KLF12: variants seen among roughly 807,000 people sequenced by gnomAD.
The protein encoded by KLF12 is KLF transcription factor 12.
A neutral mutation model predicts 37.8 loss-of-function variants in KLF12; 9 were observed. The observed-to-expected ratio is 0.24, with a 90% CI of 0.14 to 0.42. The LOEUF is 0.42. KLF12 is among the 10% of genes least tolerant of loss of function. The pLI, the probability that KLF12 is intolerant of heterozygous loss-of-function variation, is 1.00. For missense variants in KLF12, 411 were observed against 516.0 expected, an observed-to-expected ratio of 0.80 and a Z score of 1.97; for synonymous variants, 208 against 202.1, an observed-to-expected ratio of 1.03 and a Z score of -0.25.
chr13:73,842,176 C>A (rs1330891504), intron 4 of KLF12, among the ~76,000 whole-genome samples: 1 of 152,168 alleles, frequency 6.6e-6, no homozygotes, highest in Non-Finnish European at 1.5e-5. Flanking sequence ...TTTCACCCCA[C>A]CCCTTCCCAA....
At chr13:74,195,225 T>G in the KLF12 span, among the ~76,000 whole-genome samples, 1 of 152,216 alleles carries the variant, frequency 6.6e-6, no homozygotes, top group Non-Finnish European at 1.5e-5. Context: ...GACAGCAGAA[T>G]TTAATTTAAC....
At chr13:73,749,366 T>A (rs547011369) in intron 6 of KLF12, among the ~76,000 whole-genome samples, 8 of 152,312 alleles carry the variant, frequency 5.3e-5, no homozygotes, top group African/African-American at 1.9e-4. Flanking sequence ...AGTTTTAATG[T>A]TTGAAGGTGT....
chr13:74,024,446 G>A (rs74615786), intron 1 of KLF12, among the ~76,000 whole-genome samples: 1,919 of 152,248 alleles, frequency 0.013, 30 homozygotes, highest in Non-Finnish European at 0.014. Flanking sequence ...GCATCATTCT[G>A]TCATGCTCAA....
intron 7 of KLF12, among the ~76,000 whole-genome samples, chr13:73,705,582 T>C (rs978883342): frequency 2.0e-5 from 3 of 152,248 alleles, no homozygotes; most frequent in Non-Finnish European, 4.4e-5. Flanking sequence ...CCTATTTTTA[T>C]ATATTCTTTA....
At chr13:73,799,339 T>C (rs1342264714) in intron 5 of KLF12, among the ~76,000 whole-genome samples, 3 of 152,068 alleles carry the variant, frequency 2.0e-5, no homozygotes, top group Non-Finnish European at 1.5e-5. Flanking sequence ...TGAAATAATC[T>C]GCACAACGAA....
intron 7 of KLF12, among the ~76,000 whole-genome samples, chr13:73,702,204 T>C (rs1487812444): frequency 6.6e-6 from 1 of 152,226 alleles, no homozygotes; most frequent in Non-Finnish European, 1.5e-5. Context: ...GGTTTTGTTT[T>C]GTTTTTTCTT....
intron 3 of KLF12, among the ~76,000 whole-genome samples, chr13:73,911,907 G>A (rs9573327): frequency 0.19 from 29,315 of 152,026 alleles, 3,815 homozygotes; most frequent in East Asian, 0.61. Flanking sequence ...CCATCAGCTC[G>A]TGTTTCTGTT....
the KLF12 span, among the ~76,000 whole-genome samples, chr13:74,245,532 G>A: frequency 7.2e-5 from 11 of 152,098 alleles, no homozygotes; most frequent in African/African-American, 2.4e-4. Flanking sequence ...CATTGTAAAT[G>A]AATTTAGAAA....
intron 6 of KLF12, among the ~76,000 whole-genome samples, chr13:73,741,701 C>CT (rs201426711): frequency 0.018 from 2,816 of 152,240 alleles, 72 homozygotes; most frequent in African/African-American, 0.061. Flanking sequence ...TCAATAGCTC[C>CT]TTTGGAGCTA....
intron 4 of KLF12, among the ~76,000 whole-genome samples, chr13:73,831,797 C>A (rs1269977887): frequency 6.6e-6 from 1 of 152,096 alleles, no homozygotes; most frequent in Non-Finnish European, 1.5e-5. Context: ...ACTGGTAAAG[C>A]AAAATCAGTA....
intron 2 of KLF12, among the ~76,000 whole-genome samples, chr13:73,977,163 T>C (rs1386705109): frequency 6.6e-6 from 1 of 151,486 alleles, no homozygotes; most frequent in African/African-American, 2.4e-5. Context: ...CACCTCAGCC[T>C]CCTGAATAGC....
At chr13:74,165,045 G>A in the KLF12 span, among the ~76,000 whole-genome samples, 3 of 151,942 alleles carry the variant, frequency 2.0e-5, no homozygotes, top group African/African-American at 7.3e-5. Context: ...AAATAACTGA[G>A]GATAACTAGA....
the KLF12 span, among the ~76,000 whole-genome samples, chr13:74,239,465 T>C: frequency 1.2e-3 from 143 of 122,496 alleles, 2 homozygotes; most frequent in Non-Finnish European, 5.7e-4. Flanking sequence ...GTCTGCTTGG[T>C]GCAGAGCTGA....
At chr13:73,967,327 C>T (rs1891196572) in intron 2 of KLF12, among the ~76,000 whole-genome samples, 1 of 152,188 alleles carries the variant, frequency 6.6e-6, no homozygotes, top group African/African-American at 2.4e-5. Context: ...AGGAGCCTGC[C>T]AAGGCTGGAA....
intron 3 of KLF12, among the ~76,000 whole-genome samples, chr13:73,901,945 A>G (rs144479489): frequency 1.3e-5 from 2 of 152,312 alleles, no homozygotes; most frequent in East Asian, 3.9e-4. Flanking sequence ...AAGCATACAA[A>G]TGGCTTAAAA....
chr13:73,780,365 G>C lies in KLF12; in HGVS notation c.807-15365C>G, dbSNP rs574975193. The stretch of plus-strand genomic sequence containing the variant: ...CTGAGCAGCGTACACTGTACCCAGT[G>C]TGTGGTCTTTTATCCCTTGTCACCC... On this transcript the variant is annotated intron_variant, in intron 5 of 7. Coordinates refer to ENST00000377669, the MANE Select transcript of KLF12 (RefSeq NM_007249.5). Among the ~76,000 whole-genome samples the C allele has an allele frequency of 3.9e-4, 60 of 152,230 alleles. No individual in the cohort carries two copies. In the South Asian group the frequency reaches 0.012, roughly 29 times the overall value.
At chr13:73,769,944 A>G (rs1417482137) in intron 5 of KLF12, among the ~76,000 whole-genome samples, 3 of 152,182 alleles carry the variant, frequency 2.0e-5, no homozygotes, top group Admixed American at 6.5e-5. Context: ...TTATACCAAG[A>G]TTATAAGAAA....
chr13:73,928,087 A>C (rs1164947792), intron 3 of KLF12, among the ~76,000 whole-genome samples: 1 of 151,878 alleles, frequency 6.6e-6, no homozygotes, highest in Non-Finnish European at 1.5e-5. Context: ...TTATCTCTTG[A>C]CCTCATGATC....
rs114051299 is a variant in KLF12, at chr13:74,059,491, G to A, written c.-31-64438C>T. Among the ~76,000 whole-genome samples, 1,046 of 152,290 alleles carry A rather than the reference G, an allele frequency of 6.9e-3. 16 individuals are homozygous for A. The highest frequency in any genetic ancestry group is 0.024 in the African/African-American group (999 of 41,552). ...TTGCTATTCTGACAATTATTATCAT[G>A]TGTAAGATGATATCTCATTGTGGTT... On this transcript the variant is annotated intron_variant, in intron 1 of 7. Coordinates refer to ENST00000377669, the MANE Select transcript of KLF12 (RefSeq NM_007249.5).
Sources: allele counts gnomAD v4.1 joint callset (sites outside exome capture counted in the v4.1 genomes callset), GRCh38; gene constraint gnomAD v4.1.1; transcripts MANE v1.5; gene names NCBI Gene and HGNC (gene_info 2026-07-23, HGNC 2026-07-21).